ANKDD1A: variants seen among roughly 807,000 people sequenced by gnomAD.
ANKDD1A encodes the protein ankyrin repeat and death domain containing 1A.
In ANKDD1A, 59 loss-of-function variants were observed where a neutral mutation model predicts 63.5. The observed-to-expected ratio is 0.93, with a 90% CI of 0.75 to 1.15. The LOEUF is 1.15. Among genes scored for constraint, ANKDD1A ranks in the 50% most tolerant of loss-of-function variants. The pLI is 0.00. For synonymous variants in ANKDD1A, 266 were observed against 263.9 expected (o/e 1.01, Z -0.08); for missense variants, 632 against 656.4 (o/e 0.96, Z 0.41).
chr15:64,926,110 G>A lies in ANKDD1A; in HGVS notation c.411G>A (p.Val137=), dbSNP rs1268537131. The A allele has an allele frequency of 3.1e-6, 5 of 1,613,974 alleles. No individual in the cohort carries two copies. In the Admixed American group the frequency reaches 6.7e-5, roughly 22 times the overall value. ...ACTGCGCAGCCCAAAAAGGCCATGT[G>A]CCTGTGCTGGCGTTCATAATGGAGG... is the stretch of plus-strand genomic sequence containing the variant. The part of the protein sequence containing the change: ...LLHCAAQKGH[V]PVLAFIMEDL... Residue 137 remains valine (V), a synonymous_variant, in exon 5 of 15, where the codon GTG becomes GTA. Coordinates refer to ENST00000319580, the MANE Select transcript of ANKDD1A (RefSeq NM_182703.6).
At chr15:64,922,882 AT>A (rs1473992138) in intron 4 of ANKDD1A, among the ~76,000 whole-genome samples, 3 of 152,214 alleles carry the variant, frequency 2.0e-5, no homozygotes, top group East Asian at 3.8e-4. Flanking sequence ...AAATTTAGCT[AT>A]TTTCATATCA....
At chr15:64,946,698 A>G (rs1006731329) in intron 12 of ANKDD1A, among the ~76,000 whole-genome samples, 2 of 152,204 alleles carry the variant, frequency 1.3e-5, no homozygotes, top group Non-Finnish European at 2.9e-5. Flanking sequence ...GGCTGAAAAC[A>G]CTGCCCCAGG....
intron 3 of ANKDD1A, among the ~76,000 whole-genome samples, chr15:64,918,765 C>A (rs1936136844): frequency 6.6e-6 from 1 of 151,982 alleles, no homozygotes; most frequent in South Asian, 2.1e-4. Flanking sequence ...ACCAGCCTGG[C>A]CAACATTTCG....
chr15:64,933,534 T>C (rs1293509882), intron 8 of ANKDD1A, among the ~76,000 whole-genome samples: 1 of 152,052 alleles, frequency 6.6e-6, no homozygotes, highest in Non-Finnish European at 1.5e-5. Context: ...CAAATCTTAT[T>C]TGTCTTCCTC....
chr15:64,930,981 A>G, intron 7 of ANKDD1A, 61 bp downstream of exon 7: 5 of 1,532,256 alleles, frequency 3.3e-6, no homozygotes, highest in Non-Finnish European at 4.4e-6. Context: ...GCCTTCGAGG[A>G]ACCCCCACCA....
At chr15:64,949,543 T>G (rs925699136) in intron 13 of ANKDD1A, among the ~76,000 whole-genome samples, 1 of 152,192 alleles carries the variant, frequency 6.6e-6, no homozygotes, top group African/African-American at 2.4e-5. Flanking sequence ...CTTTCTCCAT[T>G]CAGAGTGACA....
In ANKDD1A at chr15:64,930,712, G is replaced by A. The variant is rs1212322959; in HGVS notation, c.571-110G>A. ...CCTGGTTATAGTTTTTGGCCCAGTT[G>A]TCAGGAGCAGGGTGGCACTGACCCA... is the stretch of plus-strand genomic sequence containing the variant. On this transcript the variant is annotated intron_variant, in intron 6 of 14. Coordinates refer to ENST00000319580, the MANE Select transcript of ANKDD1A (RefSeq NM_182703.6). 4 of 1,051,978 alleles carry A rather than the reference G, an allele frequency of 3.8e-6. No homozygotes were observed. The East Asian group carries it at 1.0e-4, about 27-fold the overall frequency. 65.2% of individuals were successfully genotyped at this position (1,051,978 alleles called of 1,614,324 possible).
chr15:64,931,875 C>T, intron 8 of ANKDD1A: 2 of 528,466 alleles, frequency 3.8e-6, no homozygotes, highest in East Asian at 5.8e-5. Flanking sequence ...GGCCCAACAC[C>T]TCAATACCTG....
intron 9 of ANKDD1A, among the ~76,000 whole-genome samples, chr15:64,934,919 A>C (rs1436694877): frequency 2.0e-5 from 3 of 152,048 alleles, no homozygotes; most frequent in Admixed American, 2.0e-4. Flanking sequence ...GGAACTGTAT[A>C]ATCTTTTGGT....
intron 12 of ANKDD1A, among the ~76,000 whole-genome samples, chr15:64,947,076 G>C (rs939184365): frequency 6.6e-6 from 1 of 152,216 alleles, no homozygotes; most frequent in African/African-American, 2.4e-5. Context: ...ACAGGAAAGA[G>C]AGGCAGGTGA....
intron 14 of ANKDD1A, among the ~76,000 whole-genome samples, 171 bp from the exon 15 acceptor site, chr15:64,956,932 A>G (rs144178185): frequency 6.6e-6 from 1 of 152,332 alleles, no homozygotes; most frequent in African/African-American, 2.4e-5. Context: ...ATAGGGAAAA[A>G]ATAGACAACT....
intron 4 of ANKDD1A, among the ~76,000 whole-genome samples, chr15:64,922,850 T>C (rs1244349257): frequency 6.6e-6 from 1 of 152,218 alleles, no homozygotes; most frequent in African/African-American, 2.4e-5. Context: ...ATATTAGTAC[T>C]TGTGACTTTG....
chr15:64,953,741 CTT>C (rs2085358158), intron 14 of ANKDD1A, among the ~76,000 whole-genome samples: 1 of 134,124 alleles, frequency 7.5e-6, no homozygotes, highest in Admixed American at 8.1e-5. Flanking sequence ...CCTCCTTCTT[CTT>C]TCCTCTTTTC....
At chr15:64,950,679 A>C (rs2085262067) in intron 14 of ANKDD1A, 1 of 978,578 alleles carries the variant, frequency 1.0e-6, no homozygotes, top group South Asian at 4.8e-5. Context: ...TTTCTAGTAT[A>C]TTGCTGAGGG....
intron 9 of ANKDD1A, among the ~76,000 whole-genome samples, chr15:64,940,632 G>T (rs528348264): frequency 6.6e-6 from 1 of 150,902 alleles, no homozygotes; most frequent in South Asian, 2.1e-4. Flanking sequence ...TAGAGATGGG[G>T]TTTCACCGTG....
chr15:64,951,483 CTCTTCTTTTCTTCTTCT>C (rs2085275464), intron 14 of ANKDD1A: 2 of 53,278 alleles, frequency 3.8e-5, no homozygotes, highest in Non-Finnish European at 8.0e-5. Context: ...TTTCTTCTTC[CTCTTCTTTTCTTCTTCT>C]TCCTCTTCCT....
In ANKDD1A at chr15:64,926,897, C is replaced by T. The variant is rs772403955; in HGVS notation, c.472-4C>T. 1 of 1,614,040 alleles carries T rather than the reference C, an allele frequency of 6.2e-7. No homozygotes were observed. The highest frequency in any genetic ancestry group is 1.1e-5 in the South Asian group (1 of 91,084). On this transcript the variant is annotated splice_region_variant and splice_polypyrimidine_tract_variant and intron_variant, in intron 5 of 14. Transcript: ENST00000319580. ...AGGCTCACACCGCTTCTCCTCCCGGCCAGCTGGGGAGGACGGCGTTTCACA... is the reference window on the plus strand; with the variant it reads ...AGGCTCACACCGCTTCTCCTCCCGGTCAGCTGGGGAGGACGGCGTTTCACA...
Position 64,942,555 on chromosome 15 carries a change from C to T in ANKDD1A, c.956C>T (p.Ala319Val). The change falls in exon 10 of 15, where the codon GCC becomes GTC. Residue 319 changes from alanine to valine, a missense_variant. Ala to Val is a moderately conservative substitution (Grantham distance 64). Coordinates refer to ENST00000319580, the MANE Select transcript of ANKDD1A (RefSeq NM_182703.6). ...LLINSDSDVN[A>V]VDNRQQTPLH... ...ATCAACTCCGACAGTGACGTGAATG[C>T]CGTGGACAATGTAAGTGGCTACAGA... 1 of 1,613,300 alleles carries T rather than the reference C, an allele frequency of 6.2e-7. No individual in the cohort carries two copies. The highest frequency in any genetic ancestry group is 8.5e-7 in the Non-Finnish European group (1 of 1,179,602).
At position 64,949,724 on chromosome 15, in the gene ANKDD1A, C is replaced by T. The variant is rs1384932148; in HGVS notation, c.1352-117C>T. ...GGAGAAGGGCCTTGGAGGCTTTTGG[C>T]CTCTTTCCCACCTGGGCATGTTCAG... On this transcript the variant is annotated intron_variant, in intron 13 of 14. Transcript: ENST00000319580. 56 of 1,471,736 alleles carry T rather than the reference C, an allele frequency of 3.8e-5. No homozygotes were observed. The Admixed American group carries it at 1.0e-3, about 27-fold the overall frequency. The allele number at this position is 1,471,736 out of a possible 1,614,324, so 91.2% of individuals were successfully genotyped here.
Sources: allele counts gnomAD v4.1 joint callset (sites outside exome capture counted in the v4.1 genomes callset), GRCh38; gene constraint gnomAD v4.1.1; transcripts MANE v1.5; gene names NCBI Gene and HGNC (gene_info 2026-07-23, HGNC 2026-07-21).